ATG12: variants seen among roughly 807,000 people sequenced by gnomAD.
ATG12 encodes autophagy related 12.
Under a neutral mutation model 17.6 loss-of-function variants are expected in ATG12, and 19 were observed. The ratio of observed to expected loss-of-function variants is 1.08; its 90% CI spans 0.75 to 1.58. ATG12 has a LOEUF of 1.58. Ranked by LOEUF, ATG12 falls within the 40% of genes most tolerant of loss-of-function variation. ATG12 has a pLI of 0.00. For synonymous variants in ATG12, 75 were observed against 62.4 expected (o/e 1.20, Z -0.95); for missense variants, 214 against 162.0 (o/e 1.32, Z -1.74).
At chr5:115,837,829 A>C in intron 1 of ATG12, 65 bp from the exon 2 acceptor site, 1 of 1,321,168 alleles carries the variant, frequency 7.6e-7, no homozygotes, top group Non-Finnish European at 1.0e-6. Context: ...TGGAATATAA[A>C]AGACTTAGAA....
chr5:115,840,571 T>A (rs1197859289), intron 1 of ATG12: 1 of 1,274,726 alleles, frequency 7.8e-7, no homozygotes, highest in East Asian at 5.7e-5. Context: ...GTGCTGGGAT[T>A]ACAGGAGTGA....
At chr5:115,835,276 T>C (rs1580567880) in intron 2 of ATG12, 2 of 152,326 alleles carry the variant, frequency 1.3e-5, no homozygotes, top group Middle Eastern at 3.4e-3. Context: ...TGCTGTTCTT[T>C]TCCGCATCTC....
chr5:115,837,600 T>C (rs541776407), intron 2 of ATG12, 28 bp downstream of exon 2: 1 of 1,607,688 alleles, frequency 6.2e-7, no homozygotes, highest in South Asian at 1.1e-5. Context: ...CAAATTTTTG[T>C]AGGAAAACAT....
chr5:115,832,142 T>G (rs917325692), intron 3 of ATG12, among the ~76,000 whole-genome samples: 1 of 152,134 alleles, frequency 6.6e-6, no homozygotes, highest in Non-Finnish European at 1.5e-5. Context: ...ATATGTAATT[T>G]TAGCTGTTTT....
rs1760799319 is a variant in ATG12 at position 115,830,014 on chromosome 5, G to A, written c.*1790C>T. 6.6e-6 allele frequency: 1 copy of A among 151,760 alleles called. No homozygotes were observed. The highest frequency in any genetic ancestry group is 1.5e-5 in the Non-Finnish European group (1 of 68,080). The allele number at this position is 151,760 out of a possible 1,614,324, so 9.4% of individuals were successfully genotyped here. On this transcript the variant is annotated 3_prime_UTR_variant, in exon 4 of 4. Transcript: ENST00000509910. Reference sequence around the variant, plus strand: ...TGCCTGTAATCCCAGCTACTCAGGAGGCTGAGGCAGGAGAATCACTTGAAC... The same window carrying A: ...TGCCTGTAATCCCAGCTACTCAGGAAGCTGAGGCAGGAGAATCACTTGAAC...
chr5:115,840,864 A>G (rs1177347791), intron 1 of ATG12: 1 of 1,279,684 alleles, frequency 7.8e-7, no homozygotes, highest in South Asian at 1.3e-5. Context: ...CTATGCCTTT[A>G]GCTTTCCCTT....
chr5:115,831,946 A>G, intron 3 of ATG12, 83 bp from the exon 4 acceptor site: 19 of 1,296,898 alleles, frequency 1.5e-5, no homozygotes, highest in Non-Finnish European at 1.9e-5. Flanking sequence ...CACATGTATC[A>G]TAAATATCCA....
rs1464886789 is a variant in ATG12, at chr5:115,829,830, G to C, written c.*1974C>G. On this transcript the variant is annotated 3_prime_UTR_variant, in exon 4 of 4. Transcript: ENST00000509910. ...TGATTTGAAAAAGTACAAAGTCCAGGCCCGGCACGGTGGCTCACACCTATA... is the reference window on the plus strand; with the variant it reads ...TGATTTGAAAAAGTACAAAGTCCAGCCCCGGCACGGTGGCTCACACCTATA... 1.3e-5 allele frequency: 2 copies of C among 152,238 alleles called. No homozygotes were observed. The highest frequency in any genetic ancestry group is 1.3e-4 in the Admixed American group (2 of 15,286). 9.4% of individuals were successfully genotyped at this position (152,238 alleles called of 1,614,324 possible).
In ATG12 at chr5:115,828,357, T is replaced by G. The variant is rs1284568022; in HGVS notation, c.*3447A>C. On this transcript the variant is annotated 3_prime_UTR_variant, in exon 4 of 4. Transcript: ENST00000509910. ...GGCCCCCTAAAAGTGATATACCAAC[T>G]CATATTCTATTCACCAAAATATGAC... 6.6e-6 allele frequency: 1 copy of G among 152,232 alleles called. No individual in the cohort carries two copies. Among genetic ancestry groups the G allele is most frequent in the Non-Finnish European group, 1.5e-5 (1 of 68,030 alleles). 9.4% of individuals were successfully genotyped at this position (152,232 alleles called of 1,614,324 possible).
intron 1 of ATG12, among the ~76,000 whole-genome samples, chr5:115,840,193 G>C (rs11959754): frequency 0.12 from 18,914 of 152,176 alleles, 3,743 homozygotes; most frequent in African/African-American, 0.42. Flanking sequence ...TAGTGCATCA[G>C]GTGGAAATGG....
At chr5:115,837,890 T>C (rs1761171905) in intron 1 of ATG12, 126 bp from the exon 2 acceptor site, 1 of 759,760 alleles carries the variant, frequency 1.3e-6, no homozygotes, top group Non-Finnish European at 1.9e-6. Context: ...ATACTGAAGA[T>C]ATGTGAGAGA....
intron 1 of ATG12, 77 bp downstream of exon 1, chr5:115,841,313 C>A (rs544258169): frequency 6.9e-6 from 11 of 1,589,966 alleles, no homozygotes; most frequent in Non-Finnish European, 9.4e-6. Context: ...CTAAATTTTG[C>A]TTCTTTACTG....
chr5:115,841,379 A>T lies in ATG12; in HGVS notation c.163+11T>A, dbSNP rs1761468541. 1.2e-6 allele frequency: 2 copies of T among 1,610,536 alleles called. No homozygotes were observed. Among genetic ancestry groups the T allele is most frequent in the South Asian group, 2.2e-5 (2 of 90,970 alleles). ...CCTCCCGCCTCTCTGCCCGGAAATAAATTCAGTTACTTTTTTTCTTGGTGT... is the reference window on the plus strand; with the variant it reads ...CCTCCCGCCTCTCTGCCCGGAAATATATTCAGTTACTTTTTTTCTTGGTGT... On this transcript the variant is annotated intron_variant, in intron 1 of 3. Coordinates refer to ENST00000509910, the MANE Select transcript of ATG12 (RefSeq NM_004707.4).
At position 115,830,329 on chromosome 5, in the gene ATG12, T is replaced by G. The variant is rs1047612920; in HGVS notation, c.*1475A>C. ...TGAGGTCTATCATCTGAACCCTCAG[T>G]GGCAAACAATACGAAAATTCAACAT... On this transcript the variant is annotated 3_prime_UTR_variant, in exon 4 of 4. Transcript: ENST00000509910. The G allele has an allele frequency of 3.9e-5, 6 of 152,080 alleles. No homozygotes were observed. The highest frequency in any genetic ancestry group is 1.4e-4 in the African/African-American group (6 of 41,414). 9.4% of individuals were successfully genotyped at this position (152,080 alleles called of 1,614,324 possible). A position where few individuals can be genotyped will look rare whatever the true frequency, so the allele number is the denominator to read the frequency against.
At chr5:115,835,719 C>T (rs559496823) in intron 2 of ATG12, among the ~76,000 whole-genome samples, 111 of 152,200 alleles carry the variant, frequency 7.3e-4, no homozygotes, top group Non-Finnish European at 1.3e-3. Context: ...CTTTACTTCC[C>T]GGTCAGGATC....
intron 3 of ATG12, 143 bp downstream of exon 3, chr5:115,832,455 AAATT>A: frequency 1.0e-6 from 1 of 972,338 alleles, no homozygotes; most frequent in Non-Finnish European, 1.4e-6. Context: ...CTACCCCAGA[AAATT>A]AAGAATGGCA....
chr5:115,829,127 G>C lies in ATG12; in HGVS notation c.*2677C>G, dbSNP rs930247640. ...GAACTGTATTCAAATAGTAGTATTT[G>C]CTGAACTGTTTTCTGAATAGTTTTC... is the stretch of plus-strand genomic sequence containing the variant. On this transcript the variant is annotated 3_prime_UTR_variant, in exon 4 of 4. Transcript: ENST00000509910. 1 of 152,208 alleles carries C rather than the reference G, an allele frequency of 6.6e-6. No homozygotes were observed. The highest frequency in any genetic ancestry group is 1.5e-5 in the Non-Finnish European group (1 of 68,032). 9.4% of individuals were successfully genotyped at this position (152,208 alleles called of 1,614,324 possible).
chr5:115,837,131 C>G (rs897114881), intron 2 of ATG12, among the ~76,000 whole-genome samples: 10 of 152,050 alleles, frequency 6.6e-5, no homozygotes, highest in African/African-American at 2.2e-4. Flanking sequence ...CTGAGGAAAA[C>G]AATACAGGAG....
At chr5:115,833,665 G>T (rs929102201) in intron 2 of ATG12, 2 of 152,144 alleles carry the variant, frequency 1.3e-5, no homozygotes, top group Non-Finnish European at 1.5e-5. Context: ...CTCAATAGAC[G>T]TTATTGTTAA....
Sources: allele counts gnomAD v4.1 joint callset (sites outside exome capture counted in the v4.1 genomes callset), GRCh38; gene constraint gnomAD v4.1.1; transcripts MANE v1.5; gene names NCBI Gene and HGNC (gene_info 2026-07-23, HGNC 2026-07-21).